BCAS3: variants seen among roughly 807,000 people sequenced by gnomAD.
The protein encoded by BCAS3 is BCAS4/BCAS3 fusion.
BCAS3 carries 53 observed loss-of-function variants against 116.1 expected under a neutral mutation model. The observed-to-expected ratio is 0.46, with a 90% CI of 0.37 to 0.57. The LOEUF (loss-of-function observed/expected upper bound fraction) is 0.57. BCAS3 is among the 20% of genes least tolerant of loss of function. The pLI, the probability that BCAS3 is intolerant of heterozygous loss-of-function variation, is 0.00. For missense variants in BCAS3, 917 were observed against 1,165.4 expected (o/e 0.79, Z 3.10); for synonymous variants, 391 against 408.2 (o/e 0.96, Z 0.51).
chr17:60,690,233 G>A (rs1199910636), intron 4 of BCAS3, among the ~76,000 whole-genome samples: 1 of 151,978 alleles, frequency 6.6e-6, no homozygotes, highest in Admixed American at 6.6e-5. Flanking sequence ...TGTCCTCAAC[G>A]TTCATCTACA....
intron 22 of BCAS3, among the ~76,000 whole-genome samples, chr17:61,085,453 C>T (rs1267361693): frequency 2.0e-5 from 3 of 152,174 alleles, no homozygotes; most frequent in Admixed American, 6.5e-5. Flanking sequence ...GAAACAAACA[C>T]AAAACTGATT....
At chr17:60,829,355 A>G (rs1005873094) in intron 7 of BCAS3, among the ~76,000 whole-genome samples, 1 of 151,890 alleles carries the variant, frequency 6.6e-6, no homozygotes, top group African/African-American at 2.4e-5. Flanking sequence ...TTAGCTGGGC[A>G]TGGTGGTTTG....
chr17:61,379,767 CT>C lies in BCAS3; in HGVS notation c.2593+11274del, dbSNP rs2059515750. 2 of 152,696 alleles carry C rather than the reference CT, an allele frequency of 1.3e-5. No individual in the cohort carries two copies. The highest frequency in any genetic ancestry group is 4.8e-5 in the African/African-American group (2 of 41,468). The allele number at this position is 152,696 out of a possible 1,614,324, so 9.5% of individuals were successfully genotyped here. On this transcript the variant is annotated intron_variant, in intron 23 of 23. Coordinates refer to ENST00000407086, the MANE Select transcript of BCAS3 (RefSeq NM_017679.5). The surrounding 1 kb of genome is among the most constrained non-coding windows in gnomAD (Gnocchi z 5.5). ...AGCCCGCTAGCTTGCAGTTCCACCC[CT>C]CTGCACCCTTCATTGAGTTTTGGGA...
rs991617648 is a variant in BCAS3, at chr17:61,380,542, C to A, written c.2594-11435C>A. 1.3e-6 allele frequency: 2 copies of A among 1,598,264 alleles called. No homozygotes were observed. The highest frequency in any genetic ancestry group is 8.5e-7 in the Non-Finnish European group (1 of 1,179,662). On this transcript the variant is annotated intron_variant, in intron 23 of 23. Transcript: ENST00000407086. This position sits in a 1 kb window ranked among gnomAD's most constrained non-coding sequence, Gnocchi z 4.2. ...GACGTAGCAGTAAAAACCTTCCCCC[C>A]TGAGAGACACGTGGCAGTGAAGTGT...
At chr17:60,784,685 C>T (rs1231460812) in intron 6 of BCAS3, among the ~76,000 whole-genome samples, 3 of 151,978 alleles carry the variant, frequency 2.0e-5, no homozygotes, top group Non-Finnish European at 4.4e-5. Flanking sequence ...AATCCTCCCA[C>T]CTCATTCTTT....
chr17:61,052,729 T>C (rs1206359597), intron 19 of BCAS3, among the ~76,000 whole-genome samples: 3 of 142,724 alleles, frequency 2.1e-5, no homozygotes, highest in African/African-American at 8.6e-5. Context: ...TTTTTTTTTT[T>C]TTTTTTGAGA....
At chr17:60,896,581 C>CTT (rs371499395) in intron 10 of BCAS3, among the ~76,000 whole-genome samples, 4 of 146,558 alleles carry the variant, frequency 2.7e-5, no homozygotes, top group African/African-American at 1.0e-4. Context: ...CCTTCTTTGT[C>CTT]TTTTTTTTTT....
At chr17:60,945,402 C>T (rs905538439) in intron 13 of BCAS3, among the ~76,000 whole-genome samples, 1 of 152,138 alleles carries the variant, frequency 6.6e-6, no homozygotes, top group African/African-American at 2.4e-5. Flanking sequence ...CAGGAAAAGG[C>T]TCATTTTACC....
chr17:61,262,906 G>A (rs1477822140), intron 22 of BCAS3, among the ~76,000 whole-genome samples: 2 of 151,398 alleles, frequency 1.3e-5, no homozygotes, highest in Non-Finnish European at 2.9e-5. Flanking sequence ...TGGTCAGGCT[G>A]GTCTCGAATT....
chr17:60,774,781 T>C (rs1212550076), intron 6 of BCAS3, among the ~76,000 whole-genome samples: 1 of 152,224 alleles, frequency 6.6e-6, no homozygotes, highest in African/African-American at 2.4e-5. Context: ...AAAGCAGCCA[T>C]TGACAATACT....
At chr17:60,753,379 CTTATTTTATTTAT>C (rs2042668861) in intron 6 of BCAS3, among the ~76,000 whole-genome samples, 3 of 131,268 alleles carry the variant, frequency 2.3e-5, no homozygotes, top group African/African-American at 8.3e-5. Context: ...TTATTTGTCT[CTTATTTTATTTAT>C]TTATTTATTT....
chr17:61,001,635 G>A (rs1256613667), intron 15 of BCAS3, among the ~76,000 whole-genome samples: 1 of 152,100 alleles, frequency 6.6e-6, no homozygotes, highest in Non-Finnish European at 1.5e-5. Context: ...TATATAAATA[G>A]TATAAACATG....
intron 23 of BCAS3, among the ~76,000 whole-genome samples, chr17:61,375,218 TTGTGTGTGTGTGTGTGTGTGTGTG>T (rs59961930): frequency 2.1e-5 from 3 of 142,680 alleles, no homozygotes; most frequent in African/African-American, 8.1e-5. Flanking sequence ...AAAGCACTAT[TTGTGTGTGTGTGTGTGTGTGTGTG>T]TGTGTGTGTG....
chr17:60,820,018 C>G (rs1030297308), intron 7 of BCAS3, among the ~76,000 whole-genome samples: 1 of 151,938 alleles, frequency 6.6e-6, no homozygotes, highest in African/African-American at 2.4e-5. Context: ...ACTGTGGCCT[C>G]TGGTGGATGG....
Position 61,364,911 on chromosome 17 carries a change from G to A in BCAS3, c.2426-3416G>A, listed in dbSNP as rs1488731156. ...GGGATAGTACCTCTACGACCTCTCA[G>A]GATCATTATGATAGTCAGAATTTAT... On this transcript the variant is annotated intron_variant, in intron 22 of 23. Transcript: ENST00000407086. The surrounding 1 kb of genome is among the most constrained non-coding windows in gnomAD (Gnocchi z 5.4). Among the ~76,000 whole-genome samples, 1 of 152,122 alleles carries A rather than the reference G, an allele frequency of 6.6e-6. No homozygotes were observed. The highest frequency in any genetic ancestry group is 2.4e-5 in the African/African-American group (1 of 41,430).
chr17:60,947,104 C>T lies in BCAS3; in HGVS notation c.1088-115C>T. On this transcript the variant is annotated intron_variant, in intron 13 of 23. Transcript: ENST00000407086. Reference sequence around the variant, plus strand: ...TTTTCTTTTGTAAAGTTTCTTATAGCCTTGGTAATTTTTTTCCCATTGGTA... The same window carrying T: ...TTTTCTTTTGTAAAGTTTCTTATAGTCTTGGTAATTTTTTTCCCATTGGTA... 8 of 1,035,056 alleles carry T rather than the reference C, an allele frequency of 7.7e-6. No individual in the cohort carries two copies. The South Asian group carries it at 1.0e-4, about 13-fold the overall frequency. The allele number at this position is 1,035,056 out of a possible 1,614,324, so 64.1% of individuals were successfully genotyped here. A position where few individuals can be genotyped will look rare whatever the true frequency, so the allele number is the denominator to read the frequency against.
chr17:60,974,352 G>T (rs1399656469), intron 14 of BCAS3, among the ~76,000 whole-genome samples: 5 of 152,042 alleles, frequency 3.3e-5, no homozygotes, highest in Admixed American at 2.6e-4. Context: ...AACCCATTTT[G>T]TGAATTAATT....
In BCAS3 at chr17:61,037,223, G is replaced by A. The variant is rs2067106353; in HGVS notation, c.1763-666G>A. 6.6e-6 allele frequency among the ~76,000 whole-genome samples: 1 copy of A among 152,158 alleles called. No individual in the cohort carries two copies. Among genetic ancestry groups the A allele is most frequent in the Admixed American group, 6.5e-5 (1 of 15,284 alleles). On this transcript the variant is annotated intron_variant, in intron 17 of 23. Coordinates refer to ENST00000407086, the MANE Select transcript of BCAS3 (RefSeq NM_017679.5). The surrounding 1 kb of genome is among the most constrained non-coding windows in gnomAD (Gnocchi z 4.7). ...GTACATGCAGGGTAACTAAATCCTAGTCCATACATTATTCCTTTTCAGTTA... is the reference window on the plus strand; with the variant it reads ...GTACATGCAGGGTAACTAAATCCTAATCCATACATTATTCCTTTTCAGTTA...
intron 19 of BCAS3, chr17:61,070,101 C>T (rs771550012): frequency 3.8e-6 from 6 of 1,572,754 alleles, no homozygotes; most frequent in Non-Finnish European, 5.2e-6. Flanking sequence ...ATGCTATCAT[C>T]AAGTTTCCGC....
Sources: gnomAD v4.1 joint callset for allele counts (sites outside exome capture counted in the v4.1 genomes callset) on GRCh38, gnomAD v4.1.1 for gene constraint, Gnocchi (gnomAD v3.1) non-coding constraint, MANE v1.5 for transcripts, NCBI Gene and HGNC (gene_info 2026-07-23, HGNC 2026-07-21) for gene names.